The following JARID2 variants were observed in gnomAD, a reference collection of about 807,000 sequenced individuals.
The protein encoded by JARID2 is protein Jumonji.
A neutral mutation model predicts 125.6 loss-of-function variants in JARID2; 21 were observed. The observed-to-expected ratio is 0.17, with a 90% CI of 0.12 to 0.24. The LOEUF (loss-of-function observed/expected upper bound fraction) is 0.24. JARID2 is among the 10% of genes least tolerant of loss of function. The probability of loss-of-function intolerance (pLI) is 1.00; values close to 1 mark genes in which losing one functional copy is unlikely to be tolerated. For synonymous variants in JARID2, 736 were observed against 661.6 expected (o/e 1.11, Z -1.73); for missense variants, 1,303 against 1,639.6 (o/e 0.79, Z 3.55).
At chr6:15,454,282 G>A (rs1357824310) in intron 4 of JARID2, among the ~76,000 whole-genome samples, 2 of 152,090 alleles carry the variant, frequency 1.3e-5, no homozygotes, top group Admixed American at 6.5e-5. Flanking sequence ...TTGGCTTTGG[G>A]ACTGAATTGT....
At chr6:15,328,810 G>A (rs924361266) in intron 1 of JARID2, among the ~76,000 whole-genome samples, 5 of 152,162 alleles carry the variant, frequency 3.3e-5, no homozygotes, top group Non-Finnish European at 2.9e-5. Flanking sequence ...TATGGCATGG[G>A]CTATTATTGC....
At chr6:15,511,478 C>G in intron 13 of JARID2, 77 bp downstream of exon 13, 1 of 1,005,110 alleles carries the variant, frequency 9.9e-7, no homozygotes, top group South Asian at 1.3e-5. Context: ...CCCATGAACC[C>G]GCCTTTCAAA....
chr6:15,484,572 C>A (rs1191247583), intron 5 of JARID2, among the ~76,000 whole-genome samples: 2 of 152,144 alleles, frequency 1.3e-5, no homozygotes, highest in African/African-American at 4.8e-5. Context: ...CCTACTGAAC[C>A]CCAGACATTG....
chr6:15,447,019 A>G (rs1341040556), intron 3 of JARID2, among the ~76,000 whole-genome samples: 6 of 152,140 alleles, frequency 3.9e-5, no homozygotes, highest in African/African-American at 1.4e-4. Context: ...CCTTGAACAT[A>G]ACAAAGTGAC....
chr6:15,462,805 G>A lies in JARID2; in HGVS notation c.494-5737G>A, dbSNP rs1768515702. Among the ~76,000 whole-genome samples the A allele has an allele frequency of 3.3e-5, 5 of 152,168 alleles. No homozygotes were observed. The South Asian group carries it at 1.0e-3, about 32-fold the overall frequency. On this transcript the variant is annotated intron_variant, in intron 4 of 17. Coordinates refer to ENST00000341776, the MANE Select transcript of JARID2 (RefSeq NM_004973.4). ...GAGGGAGGGAAGATAATGGGCAGGA[G>A]GGCTTGTCTGTGTACATGATTCATA...
chr6:15,310,061 A>C, intron 1 of JARID2, among the ~76,000 whole-genome samples: 1 of 152,160 alleles, frequency 6.6e-6, no homozygotes, highest in East Asian at 1.9e-4. Context: ...TGGACTCTTA[A>C]TGAGATTAAG....
At chr6:15,441,277 A>G (rs1227965322) in intron 3 of JARID2, among the ~76,000 whole-genome samples, 2 of 152,208 alleles carry the variant, frequency 1.3e-5, no homozygotes, top group African/African-American at 2.4e-5. Flanking sequence ...TGGTATTACT[A>G]ATAGCGTTGA....
chr6:15,411,117 T>C (rs1457121426), intron 3 of JARID2, among the ~76,000 whole-genome samples: 1 of 152,232 alleles, frequency 6.6e-6, no homozygotes, highest in Non-Finnish European at 1.5e-5. Context: ...GTTCTCTTTA[T>C]GTTTACCTGG....
intron 3 of JARID2, among the ~76,000 whole-genome samples, chr6:15,445,933 ACTGAATT>A (rs1465316990): frequency 2.0e-5 from 3 of 152,112 alleles, no homozygotes; most frequent in Non-Finnish European, 2.9e-5. Context: ...TCTTAACGAA[ACTGAATT>A]CCTGTCTACC....
At chr6:15,365,541 C>T (rs978205578) in intron 1 of JARID2, among the ~76,000 whole-genome samples, 3 of 152,026 alleles carry the variant, frequency 2.0e-5, no homozygotes, top group Admixed American at 6.6e-5. Flanking sequence ...CAGTTGGTGG[C>T]CGGAGATTCA....
At chr6:15,416,455 G>A (rs1766217215) in intron 3 of JARID2, among the ~76,000 whole-genome samples, 1 of 152,174 alleles carries the variant, frequency 6.6e-6, no homozygotes, top group Admixed American at 6.5e-5. Flanking sequence ...GGAGGCCGAG[G>A]CTGGCGGATC....
intron 5 of JARID2, among the ~76,000 whole-genome samples, chr6:15,473,514 G>GGGCCCCC (rs1769181602): frequency 2.9e-5 from 1 of 35,000 alleles, no homozygotes; most frequent in Non-Finnish European, 7.4e-5. Flanking sequence ...TGATGTGCGT[G>GGGCCCCC]CCCCCCCCCC....
rs1437809400 is a variant in JARID2 at position 15,520,590 on chromosome 6, C to A, written c.*339C>A. ...TTTGTAACTGTTGGGGGGAAAAAGG[C>A]TTTTTAACCCATTTTTGAAGAGGGT... On this transcript the variant is annotated 3_prime_UTR_variant, in exon 18 of 18. Transcript: ENST00000341776. 1.2e-5 allele frequency: 3 copies of A among 248,650 alleles called. No individual in the cohort carries two copies. Among genetic ancestry groups the A allele is most frequent in the Non-Finnish European group, 2.4e-5 (3 of 124,706 alleles). 15.4% of individuals were successfully genotyped at this position (248,650 alleles called of 1,614,324 possible). A position where few individuals can be genotyped will look rare whatever the true frequency, so the allele number is the denominator to read the frequency against.
chr6:15,503,965 C>G (rs1186717279), intron 8 of JARID2, among the ~76,000 whole-genome samples: 1 of 152,228 alleles, frequency 6.6e-6, no homozygotes, highest in Non-Finnish European at 1.5e-5. Flanking sequence ...AGAAGGCGAC[C>G]AGGTCGCAAC....
chr6:15,497,296 G>A, intron 7 of JARID2, 126 bp downstream of exon 7: 1 of 740,912 alleles, frequency 1.3e-6, no homozygotes, highest in Non-Finnish European at 2.2e-6. Context: ...TGTCTCGGGA[G>A]TAGTGGGCTT....
intron 1 of JARID2, among the ~76,000 whole-genome samples, chr6:15,304,565 C>G (rs1761753768): frequency 6.6e-6 from 1 of 152,008 alleles, no homozygotes; most frequent in Non-Finnish European, 1.5e-5. Flanking sequence ...ATGAGTGATG[C>G]TTTACTTTTG....
At chr6:15,276,746 T>A (rs1760537016) in intron 1 of JARID2, among the ~76,000 whole-genome samples, 1 of 152,086 alleles carries the variant, frequency 6.6e-6, no homozygotes, top group South Asian at 2.1e-4. Flanking sequence ...AGCCAGGGGG[T>A]CCTGTTGGCC....
At chr6:15,429,526 C>T (rs890815325) in intron 3 of JARID2, among the ~76,000 whole-genome samples, 5 of 152,114 alleles carry the variant, frequency 3.3e-5, no homozygotes, top group African/African-American at 1.2e-4. Context: ...ACTTCAGCCT[C>T]CCAAAGTGCT....
At chr6:15,290,198 C>A (rs1164823665) in intron 1 of JARID2, among the ~76,000 whole-genome samples, 1 of 152,184 alleles carries the variant, frequency 6.6e-6, no homozygotes, top group African/African-American at 2.4e-5. Flanking sequence ...GCATAATGGT[C>A]TCAGATTATT....
Sources: allele counts gnomAD v4.1 joint callset (sites outside exome capture counted in the v4.1 genomes callset), GRCh38; gene constraint gnomAD v4.1.1; transcripts MANE v1.5; gene names NCBI Gene and HGNC (gene_info 2026-07-23, HGNC 2026-07-21).